The following CLNS1A variants were observed in gnomAD, a reference collection of about 807,000 sequenced individuals.
CLNS1A encodes the protein chloride nucleotide-sensitive channel 1A.
CLNS1A carries 16 observed loss-of-function variants against 29.4 expected under a neutral mutation model. The observed-to-expected ratio is 0.54, with a 90% CI of 0.37 to 0.83. The LOEUF is 0.83. Among genes scored for constraint, CLNS1A ranks in the 40% least tolerant of loss-of-function variants. The pLI is 0.00. For missense variants in CLNS1A, 235 were observed against 287.4 expected, an observed-to-expected ratio of 0.82 and a Z score of 1.32; for synonymous variants, 96 against 104.8, an observed-to-expected ratio of 0.92 and a Z score of 0.51.
At chr11:77,625,653 G>A in intron 3 of CLNS1A, 64 bp downstream of exon 3, 6 of 1,347,174 alleles carry the variant, frequency 4.5e-6, no homozygotes, top group South Asian at 1.3e-5. Flanking sequence ...GTGTATGTGT[G>A]TGTGTGTCAA....
intron 1 of CLNS1A, among the ~76,000 whole-genome samples, chr11:77,633,305 G>A (rs1189928953): frequency 6.6e-6 from 1 of 152,108 alleles, no homozygotes; most frequent in East Asian, 1.9e-4. Context: ...TCTACTGAAA[G>A]TATTCAAGTT....
chr11:77,634,072 G>A lies in CLNS1A; in HGVS notation c.125+3518C>T, dbSNP rs192812196. On this transcript the variant is annotated intron_variant, in intron 1 of 6. Transcript: ENST00000525428. ...GCCAAGATTGCGCCATTGCATTCCA[G>A]CCTGGGCAACAAGAGTGAAACTTCA... is the stretch of plus-strand genomic sequence containing the variant. 4.6e-5 allele frequency among the ~76,000 whole-genome samples: 7 copies of A among 151,260 alleles called. No individual in the cohort carries two copies. The East Asian group carries it at 1.2e-3, about 25-fold the overall frequency.
At position 77,616,681 on chromosome 11, in the gene CLNS1A, A is replaced by G. The variant is rs1371251669; in HGVS notation, c.*37T>C. 1 of 152,582 alleles carries G rather than the reference A, an allele frequency of 6.6e-6. No individual in the cohort carries two copies. The highest frequency in any genetic ancestry group is 1.5e-5 in the Non-Finnish European group (1 of 68,046). 9.5% of individuals were successfully genotyped at this position (152,582 alleles called of 1,614,324 possible). ...GAAGAGGCACCAAGTTCTCTCCTAC[A>G]CTTAGGAGCAGAATCTGAAAAACAA... On this transcript the variant is annotated 3_prime_UTR_variant, in exon 7 of 7. Transcript: ENST00000525428.
intron 6 of CLNS1A, 50 bp downstream of exon 6, chr11:77,619,556 T>C: frequency 8.5e-7 from 1 of 1,176,682 alleles, no homozygotes; most frequent in South Asian, 1.2e-5. Context: ...AAAGTAATCA[T>C]TTCATATGAT....
At chr11:77,627,665 C>CA in intron 2 of CLNS1A, among the ~76,000 whole-genome samples, 1 of 152,124 alleles carries the variant, frequency 6.6e-6, no homozygotes, top group Non-Finnish European at 1.5e-5. Flanking sequence ...GTTTAGGACT[C>CA]AGAGCATTTG....
intron 6 of CLNS1A, among the ~76,000 whole-genome samples, chr11:77,617,672 C>T (rs2135757817): frequency 6.6e-6 from 1 of 152,080 alleles, no homozygotes; most frequent in South Asian, 2.1e-4. Context: ...GTAATCCCAG[C>T]ACTTTGAGAG....
chr11:77,628,559 T>A (rs1188509307), intron 2 of CLNS1A, among the ~76,000 whole-genome samples: 1 of 152,216 alleles, frequency 6.6e-6, no homozygotes, highest in Non-Finnish European at 1.5e-5. Flanking sequence ...TATTTTCAGA[T>A]AGCTGAATCA....
At chr11:77,620,039 GA>G (rs551924015) in intron 5 of CLNS1A, among the ~76,000 whole-genome samples, 75 of 152,232 alleles carry the variant, frequency 4.9e-4, no homozygotes, top group Non-Finnish European at 9.1e-4. Flanking sequence ...CTCACAAAGT[GA>G]AAAGACAAAA....
rs571089638 is a variant in CLNS1A, at chr11:77,615,097, C to T, written c.*1621G>A. ...AAACCAAGTACACTCTGAATCTTCT[C>T]GACATTTTGCTATCAGAGCAATTTA... On this transcript the variant is annotated 3_prime_UTR_variant, in exon 7 of 7. Transcript: ENST00000525428. 6.6e-6 allele frequency: 1 copy of T among 152,152 alleles called. No homozygotes were observed. The highest frequency in any genetic ancestry group is 1.5e-5 in the Non-Finnish European group (1 of 68,030). 9.4% of individuals were successfully genotyped at this position (152,152 alleles called of 1,614,324 possible).
intron 1 of CLNS1A, among the ~76,000 whole-genome samples, chr11:77,632,488 G>A (rs931614020): frequency 1.9e-4 from 29 of 152,104 alleles, no homozygotes; most frequent in African/African-American, 7.0e-4. Context: ...CTAGTGCAGA[G>A]AGAATACAAA....
intron 3 of CLNS1A, 157 bp from the exon 4 acceptor site, chr11:77,625,227 A>T: frequency 1.6e-6 from 1 of 606,818 alleles, no homozygotes; most frequent in East Asian, 2.8e-5. Context: ...AAGACAAGTC[A>T]TAAAATAATA....
rs1959145876 is a variant in CLNS1A at position 77,637,585 on chromosome 11, C to A, written c.125+5G>T. On this transcript the variant is annotated splice_donor_5th_base_variant and intron_variant, in intron 1 of 6. Transcript: ENST00000525428. ...GAGGCCAGCGCTGGGGACCAGGAACCCTACCTCTCAGCGATGTAAAGGGTA... is the reference window on the plus strand; with the variant it reads ...GAGGCCAGCGCTGGGGACCAGGAACACTACCTCTCAGCGATGTAAAGGGTA... 6.2e-7 allele frequency: 1 copy of A among 1,601,446 alleles called. No individual in the cohort carries two copies. The highest frequency in any genetic ancestry group is 1.8e-4 in the Middle Eastern group (1 of 5,436).
At chr11:77,619,180 C>T (rs938662556) in intron 6 of CLNS1A, among the ~76,000 whole-genome samples, 3 of 151,952 alleles carry the variant, frequency 2.0e-5, no homozygotes, top group Non-Finnish European at 4.4e-5. Context: ...AATGGAGTAG[C>T]AAATAAATTG....
rs144656096 is a variant in CLNS1A at position 77,622,605 on chromosome 11, C to G, written c.541G>C (p.Gly181Arg). The change falls in exon 5 of 7, where the codon GGC (glycine) becomes CGC (arginine). Residue 181 changes from glycine to arginine, a missense_variant. Coordinates refer to ENST00000525428, the MANE Select transcript of CLNS1A (RefSeq NM_001293.3). ...EEGLSHLTAE[G>R]QATLERLEGM... Reference sequence around the variant, plus strand: ...TCTAATCTCTCCAGTGTGGCTTGGCCTTCTGCTGTTAGATGGGATAATCCT... The same window carrying G: ...TCTAATCTCTCCAGTGTGGCTTGGCGTTCTGCTGTTAGATGGGATAATCCT... The G allele has an allele frequency of 6.2e-7, 1 of 1,613,858 alleles. No homozygotes were observed. The highest frequency in any genetic ancestry group is 8.5e-7 in the Non-Finnish European group (1 of 1,179,884).
Position 77,615,774 on chromosome 11 carries a change from G to A in CLNS1A, c.*944C>T, listed in dbSNP as rs1178608616. Reference sequence around the variant, plus strand: ...ATCAGTTTAGTCACTAATTAGCCATGTGATCCTGTTAAGAAGGTTAGCTTG... The same window carrying A: ...ATCAGTTTAGTCACTAATTAGCCATATGATCCTGTTAAGAAGGTTAGCTTG... On this transcript the variant is annotated 3_prime_UTR_variant, in exon 7 of 7. Coordinates refer to ENST00000525428, the MANE Select transcript of CLNS1A (RefSeq NM_001293.3). The A allele has an allele frequency of 1.3e-5, 2 of 152,190 alleles. No individual in the cohort carries two copies. Among genetic ancestry groups the A allele is most frequent in the African/African-American group, 4.8e-5 (2 of 41,446 alleles). 9.4% of individuals were successfully genotyped at this position (152,190 alleles called of 1,614,324 possible). A position where few individuals can be genotyped will look rare whatever the true frequency, so the allele number is the denominator to read the frequency against.
Position 77,615,245 on chromosome 11 carries a change from G to C in CLNS1A, c.*1473C>G, listed in dbSNP as rs997463624. Reference sequence around the variant, plus strand: ...GAAGAATGGACAAACTTCTAGGATAGAATTATGGGTGTTGCTCAGATGGGT... The same window carrying C: ...GAAGAATGGACAAACTTCTAGGATACAATTATGGGTGTTGCTCAGATGGGT... On this transcript the variant is annotated 3_prime_UTR_variant, in exon 7 of 7. Transcript: ENST00000525428. The C allele has an allele frequency of 2.0e-5, 3 of 152,236 alleles. No homozygotes were observed. Among genetic ancestry groups the C allele is most frequent in the Non-Finnish European group, 2.9e-5 (2 of 68,046 alleles). 9.4% of individuals were successfully genotyped at this position (152,236 alleles called of 1,614,324 possible).
intron 6 of CLNS1A, 123 bp downstream of exon 6, chr11:77,619,483 C>T: frequency 1.5e-6 from 1 of 685,464 alleles, no homozygotes; most frequent in African/African-American, 1.8e-5. Flanking sequence ...AGGATCATGC[C>T]ACTGCACTCT....
chr11:77,632,534 T>C (rs762189979), intron 1 of CLNS1A, among the ~76,000 whole-genome samples: 3 of 152,192 alleles, frequency 2.0e-5, no homozygotes, highest in Non-Finnish European at 2.9e-5. Context: ...GGAACTCTCA[T>C]AATCTTTTAC....
rs1470965752 is a variant in CLNS1A, at chr11:77,637,632, T to A, written c.83A>T (p.Asn28Ile). ...GGTACCAGTGCCGAGGCCCTTCCCGTTCAGCACAGCCTCAGTGTCTGGCTG... is the reference window on the plus strand; with the variant it reads ...GGTACCAGTGCCGAGGCCCTTCCCGATCAGCACAGCCTCAGTGTCTGGCTG... ...RQQPDTEAVL[N>I]GKGLGTGTLY... The change falls in exon 1 of 7, where the codon AAC becomes ATC. Residue 28 changes from asparagine (N) to isoleucine (I), a missense_variant. Transcript: ENST00000525428. 1.3e-6 allele frequency: 2 copies of A among 1,592,314 alleles called. No individual in the cohort carries two copies. Among genetic ancestry groups the A allele is most frequent in the Non-Finnish European group, 1.7e-6 (2 of 1,170,052 alleles).
Sources: gnomAD v4.1 joint callset for allele counts (sites outside exome capture counted in the v4.1 genomes callset) on GRCh38, gnomAD v4.1.1 for gene constraint, MANE v1.5 for transcripts, NCBI Gene and HGNC (gene_info 2026-07-23, HGNC 2026-07-21) for gene names.